The following RALYL variants were observed in gnomAD, a reference collection of about 807,000 sequenced individuals.
RALYL encodes RALY RNA binding protein like.
A neutral mutation model predicts 35.1 loss-of-function variants in RALYL; 29 were observed. The ratio of observed to expected loss-of-function variants is 0.83; its 90% CI spans 0.61 to 1.13. RALYL has a LOEUF of 1.13. Among genes scored for constraint, RALYL ranks in the 50% most tolerant of loss-of-function variants. The pLI is 0.00. For synonymous variants in RALYL, 120 were observed against 127.6 expected, an observed-to-expected ratio of 0.94 and a Z score of 0.40; for missense variants, 359 against 360.4, an observed-to-expected ratio of 1.00 and a Z score of 0.03.
chr8:84,687,828 T>G (rs1344377765), intron 2 of RALYL, among the ~76,000 whole-genome samples: 1 of 152,090 alleles, frequency 6.6e-6, no homozygotes, highest in African/African-American at 2.4e-5. Flanking sequence ...TTGCTGAGAT[T>G]GTTAATGTAA....
At chr8:84,816,801 G>T (rs1827409488) in intron 4 of RALYL, among the ~76,000 whole-genome samples, 1 of 152,060 alleles carries the variant, frequency 6.6e-6, no homozygotes, top group Non-Finnish European at 1.5e-5. Flanking sequence ...GTAAATGCTT[G>T]GGAGAATGGA....
chr8:84,635,165 T>A (rs867652449), intron 2 of RALYL, among the ~76,000 whole-genome samples: 1 of 151,826 alleles, frequency 6.6e-6, no homozygotes, highest in Admixed American at 6.6e-5. Context: ...ATATTTTTTT[T>A]ATTTTATTCT....
intron 2 of RALYL, among the ~76,000 whole-genome samples, chr8:84,598,849 C>T (rs183054516): frequency 1.3e-3 from 196 of 152,204 alleles, no homozygotes; most frequent in African/African-American, 4.4e-3. Flanking sequence ...CCAGCTGGAT[C>T]ATATGGTATT....
At chr8:84,676,284 G>T (rs187192038) in intron 2 of RALYL, among the ~76,000 whole-genome samples, 255 of 152,308 alleles carry the variant, frequency 1.7e-3, no homozygotes, top group Non-Finnish European at 3.0e-3. Flanking sequence ...GACTATATCA[G>T]AAATGCAGCT....
chr8:84,724,464 A>G (rs375918357), intron 2 of RALYL, among the ~76,000 whole-genome samples: 1 of 151,836 alleles, frequency 6.6e-6, no homozygotes, highest in Non-Finnish European at 1.5e-5. Flanking sequence ...TAGAGGAAAA[A>G]TATTCAAAGC....
At chr8:84,683,654 G>A (rs1217677244) in intron 2 of RALYL, among the ~76,000 whole-genome samples, 1 of 151,956 alleles carries the variant, frequency 6.6e-6, no homozygotes, top group East Asian at 1.9e-4. Flanking sequence ...TAGAAGCTAG[G>A]TTTTTTTGTT....
At position 84,810,193 on chromosome 8, in the gene RALYL, C is replaced by T. The variant is rs190029993; in HGVS notation, c.365+5391C>T. ...TTTTGATAGGTTGTGTCATTATTGTCGTTCAGTTCAAAGAATTTTTAAATT... is the reference window on the plus strand; with the variant it reads ...TTTTGATAGGTTGTGTCATTATTGTTGTTCAGTTCAAAGAATTTTTAAATT... On this transcript the variant is annotated intron_variant, in intron 4 of 8. Transcript: ENST00000521268. Among the ~76,000 whole-genome samples, 605 of 152,180 alleles carry T rather than the reference C, an allele frequency of 4.0e-3. 1 individual carries two copies. The highest frequency in any genetic ancestry group is 4.4e-3 in the Non-Finnish European group (300 of 67,948).
At chr8:84,231,242 T>G (rs985937104) in intron 1 of RALYL, among the ~76,000 whole-genome samples, 1 of 152,120 alleles carries the variant, frequency 6.6e-6, no homozygotes, top group Non-Finnish European at 1.5e-5. Flanking sequence ...GATGAGAGAA[T>G]GAATAGTTGT....
chr8:84,817,460 G>T (rs759515519), intron 4 of RALYL, among the ~76,000 whole-genome samples: 2 of 151,574 alleles, frequency 1.3e-5, no homozygotes, highest in African/African-American at 2.4e-5. Context: ...TCACTTCCTA[G>T]ACAGATGGCT....
chr8:84,325,174 G>A (rs1207637887), intron 1 of RALYL, among the ~76,000 whole-genome samples: 2 of 152,012 alleles, frequency 1.3e-5, no homozygotes, highest in Non-Finnish European at 2.9e-5. Context: ...ATGGGGAGAG[G>A]GCACCTCACA....
intron 2 of RALYL, among the ~76,000 whole-genome samples, chr8:84,536,566 T>C (rs894421706): frequency 2.0e-5 from 3 of 152,170 alleles, no homozygotes; most frequent in African/African-American, 7.2e-5. Flanking sequence ...TTTGACAAAG[T>C]AGTCTATCAC....
intron 1 of RALYL, among the ~76,000 whole-genome samples, chr8:84,229,854 C>T (rs2131412676): frequency 6.6e-6 from 1 of 152,190 alleles, no homozygotes; most frequent in Non-Finnish European, 1.5e-5. Context: ...ACTCACAGTT[C>T]CTGACTTGCA....
At chr8:84,503,592 T>C (rs1321505860) in intron 1 of RALYL, among the ~76,000 whole-genome samples, 2 of 152,132 alleles carry the variant, frequency 1.3e-5, no homozygotes, top group East Asian at 3.9e-4. Flanking sequence ...GGCTCACACC[T>C]GTAATCCCAG....
intron 1 of RALYL, among the ~76,000 whole-genome samples, chr8:84,210,596 A>G (rs528100050): frequency 6.6e-6 from 1 of 152,214 alleles, no homozygotes; most frequent in South Asian, 2.1e-4. Context: ...CATTCCCTCT[A>G]CCAGTGCGGA....
intron 6 of RALYL, among the ~76,000 whole-genome samples, chr8:84,865,330 C>T (rs972275295): frequency 6.6e-6 from 1 of 152,010 alleles, no homozygotes; most frequent in Non-Finnish European, 1.5e-5. Flanking sequence ...TAGCTCTTTC[C>T]AGCATTTAAT....
At chr8:84,376,359 A>T (rs975152922) in intron 1 of RALYL, among the ~76,000 whole-genome samples, 2 of 151,874 alleles carry the variant, frequency 1.3e-5, no homozygotes, top group African/African-American at 4.8e-5. Context: ...GATCTGAGTG[A>T]AGAAATAAAA....
intron 1 of RALYL, among the ~76,000 whole-genome samples, chr8:84,508,992 A>G (rs2057394131): frequency 6.6e-6 from 1 of 152,204 alleles, no homozygotes; most frequent in Non-Finnish European, 1.5e-5. Context: ...TTGCGATTCC[A>G]AAAATATTTT....
intron 1 of RALYL, among the ~76,000 whole-genome samples, chr8:84,346,542 A>C (rs7012955): frequency 0.69 from 104,834 of 152,014 alleles, 37,676 homozygotes; most frequent in African/African-American, 0.9. Context: ...TATCTTGGCC[A>C]ATTGCAACCT....
intron 1 of RALYL, among the ~76,000 whole-genome samples, chr8:84,406,944 C>T (rs919139031): frequency 1.3e-5 from 2 of 151,570 alleles, no homozygotes; most frequent in African/African-American, 2.4e-5. Flanking sequence ...TAGAAAGAAA[C>T]CTTGCATAGC....
Sources: gnomAD v4.1 joint callset for allele counts (sites outside exome capture counted in the v4.1 genomes callset) on GRCh38, gnomAD v4.1.1 for gene constraint, MANE v1.5 for transcripts, NCBI Gene and HGNC (gene_info 2026-07-23, HGNC 2026-07-21) for gene names.